Variants in CACNA1S observed in about 807,000 individuals in gnomAD.
CACNA1S encodes the protein voltage-dependent L-type calcium channel subunit alpha-1S.
A neutral mutation model predicts 207.4 loss-of-function variants in CACNA1S; 126 were observed. That is an observed-to-expected ratio of 0.61 (90% CI 0.53 to 0.70). The LOEUF is 0.70. CACNA1S is among the 30% of genes least tolerant of loss of function. CACNA1S has a pLI of 0.00. For synonymous variants in CACNA1S, 960 were observed against 932.7 expected (o/e 1.03, Z -0.53); for missense variants, 2,349 against 2,422.8 (o/e 0.97, Z 0.64).
intron 38 of CACNA1S, among the ~76,000 whole-genome samples, chr1:201,046,467 C>T (rs1660472221): frequency 6.6e-6 from 1 of 150,994 alleles, no homozygotes; most frequent in Admixed American, 6.7e-5. Flanking sequence ...AGGTGTGAGC[C>T]ACCGCACCTG....
At position 201,062,068 on chromosome 1, in the gene CACNA1S, C is replaced by G; in HGVS notation, c.2929G>C (p.Asp977His). 1 of 1,614,042 alleles carries G rather than the reference C, an allele frequency of 6.2e-7. No individual in the cohort carries two copies. Among genetic ancestry groups the G allele is most frequent in the South Asian group, 1.1e-5 (1 of 91,032 alleles). Residue 977 changes from aspartate to histidine, a missense_variant, in exon 24 of 44, where the codon GAC (aspartate) becomes CAC (histidine). Physicochemically the swap from Asp to His is moderately conservative, Grantham distance 81. Coordinates refer to ENST00000362061, the MANE Select transcript of CACNA1S (RefSeq NM_000069.3). ...AGCTCTATCTGCATGGGGTCCCCGT[C>G]CTTGTACACGTAGTAGTAGCCCCTG... ...ECRGYYYVYK[D>H]GDPMQIELRH...
At chr1:201,088,976 C>A (rs1479045489) in intron 6 of CACNA1S, among the ~76,000 whole-genome samples, 1 of 152,236 alleles carries the variant, frequency 6.6e-6, no homozygotes, top group Admixed American at 6.5e-5. Flanking sequence ...TTGAGTCACT[C>A]ACAGCCAGGT....
chr1:201,110,620 G>A (rs1372619823), intron 1 of CACNA1S, among the ~76,000 whole-genome samples: 1 of 152,242 alleles, frequency 6.6e-6, no homozygotes, highest in Admixed American at 6.5e-5. Context: ...TGCTCCCAAG[G>A]AGCCATGACT....
At chr1:201,049,345 T>C (rs1388825630) in intron 34 of CACNA1S, among the ~76,000 whole-genome samples, 1 of 152,220 alleles carries the variant, frequency 6.6e-6, no homozygotes, top group Non-Finnish European at 1.5e-5. Context: ...CCCTCAGATA[T>C]GGGATAACCA....
At chr1:201,065,662 C>T (rs989047691) in intron 22 of CACNA1S, among the ~76,000 whole-genome samples, 176 bp downstream of exon 22, 3 of 152,224 alleles carry the variant, frequency 2.0e-5, no homozygotes, top group Non-Finnish European at 4.4e-5. Flanking sequence ...TACTGGCTTT[C>T]TGCAAACTTA....
Position 201,040,072 on chromosome 1 carries a change from C to T in CACNA1S, c.5381G>A (p.Arg1794Gln), listed in dbSNP as rs139945826. The change falls in exon 44 of 44, where the codon CGA becomes CAA. Residue 1794 changes from arginine (R) to glutamine (Q), a missense_variant. Transcript: ENST00000362061. ...AGCTGCCAAGGTGCCCAGGCCCCCT[C>T]GAACCAGAGCCTGCAGGGAGGAGAG... ...TALLIQKALV[R>Q]GGLGTLAADA... 13 of 1,614,194 alleles carry T rather than the reference C, an allele frequency of 8.1e-6. No homozygotes were observed. In the African/African-American group the frequency reaches 1.2e-4, roughly 15 times the overall value.
intron 22 of CACNA1S, among the ~76,000 whole-genome samples, chr1:201,064,628 G>A (rs1661181064): frequency 6.6e-6 from 1 of 152,206 alleles, no homozygotes; most frequent in Non-Finnish European, 1.5e-5. Context: ...ATCGTGCTTT[G>A]GTGATAGGAG....
intron 6 of CACNA1S, among the ~76,000 whole-genome samples, chr1:201,088,534 C>T (rs189397755): frequency 2.6e-5 from 4 of 152,168 alleles, no homozygotes; most frequent in African/African-American, 9.7e-5. Flanking sequence ...CCACAATAGG[C>T]GGCGTCATAT....
chr1:201,077,088 G>A lies in CACNA1S; in HGVS notation c.1659C>T (p.Leu553=), dbSNP rs572571549. ...TSLSNLVASL[L]NSIRSIASLL... Reference sequence around the variant, plus strand: ...GGGAGGCGATGGAGCGGATGGAGTTGAGCAGGGATGCCACCAGGTTGCTCA... The same window carrying A: ...GGGAGGCGATGGAGCGGATGGAGTTAAGCAGGGATGCCACCAGGTTGCTCA... The change falls in exon 12 of 44, where the codon CTC becomes CTT. Residue 553 remains leucine (L), a synonymous_variant. Transcript: ENST00000362061. 1.2e-6 allele frequency: 2 copies of A among 1,614,192 alleles called. No homozygotes were observed. Among genetic ancestry groups the A allele is most frequent in the South Asian group, 2.2e-5 (2 of 91,084 alleles).
chr1:201,093,339 T>C (rs1193183124), intron 3 of CACNA1S, among the ~76,000 whole-genome samples: 2 of 152,232 alleles, frequency 1.3e-5, no homozygotes, highest in African/African-American at 4.8e-5. Flanking sequence ...GAGGAGAGAC[T>C]GTGTGAACCC....
At chr1:201,067,966 G>A (rs1661307110) in intron 19 of CACNA1S, among the ~76,000 whole-genome samples, 1 of 152,188 alleles carries the variant, frequency 6.6e-6, no homozygotes, top group African/African-American at 2.4e-5. Flanking sequence ...GGGGGCTACT[G>A]GGTTTCAGTT....
intron 34 of CACNA1S, 113 bp downstream of exon 34, chr1:201,050,276 A>T: frequency 8.9e-7 from 1 of 1,126,718 alleles, no homozygotes. Flanking sequence ...AGATAAATGA[A>T]GGGGGAAGGA....
chr1:201,083,809 A>G (rs1335655637), intron 9 of CACNA1S, among the ~76,000 whole-genome samples: 4 of 152,212 alleles, frequency 2.6e-5, no homozygotes, highest in African/African-American at 9.6e-5. Context: ...TTATTTAGAC[A>G]GGTCTTGCTA....
In CACNA1S at chr1:201,107,794, T is replaced by G. The variant is rs181367038; in HGVS notation, c.258+2370A>C. ...GAGGACCCCTGAGCTCGAAGGTGGC[T>G]GAGCGACCTTGGGTATCACCGACTT... On this transcript the variant is annotated intron_variant, in intron 2 of 43. Transcript: ENST00000362061. 1.7e-3 allele frequency among the ~76,000 whole-genome samples: 253 copies of G among 152,334 alleles called. 1 individual carries two copies. Among genetic ancestry groups the G allele is most frequent in the Non-Finnish European group, 2.4e-3 (165 of 68,028 alleles).
chr1:201,089,489 TCAGACAA>T lies in CACNA1S; in HGVS notation c.695-33_695-27del. On this transcript the variant is annotated intron_variant, in intron 5 of 43. Transcript: ENST00000362061. ...CTGGAGGCAGAAGGCAAAGGGAACA[TCAGACAA>T]CAGTAGTAGGTGGACAACGACAGGA... 1.2e-6 allele frequency: 2 copies of T among 1,610,022 alleles called. 1 individual carries two copies. The highest frequency in any genetic ancestry group is 2.2e-5 in the South Asian group (2 of 90,860).
intron 17 of CACNA1S, among the ~76,000 whole-genome samples, 165 bp from the exon 18 acceptor site, chr1:201,069,766 G>A (rs1010614036): frequency 6.6e-6 from 1 of 152,104 alleles, no homozygotes; most frequent in Admixed American, 6.5e-5. Flanking sequence ...GGACACACAG[G>A]GGGCCCTGAC....
At chr1:201,058,811 C>T (rs570795827) in intron 27 of CACNA1S, among the ~76,000 whole-genome samples, 1 of 152,294 alleles carries the variant, frequency 6.6e-6, no homozygotes, top group East Asian at 1.9e-4. Context: ...ACTGAACATC[C>T]TATCTGGGGC....
intron 6 of CACNA1S, 92 bp downstream of exon 6, chr1:201,089,166 C>T (rs954009394): frequency 1.5e-5 from 18 of 1,209,196 alleles, no homozygotes; most frequent in Non-Finnish European, 2.2e-5. Context: ...AGAGACTGGC[C>T]TCCTGTGTGG....
chr1:201,043,230 C>T (rs201770419), intron 40 of CACNA1S, 51 bp downstream of exon 40: 6 of 1,612,942 alleles, frequency 3.7e-6, no homozygotes, highest in African/African-American at 1.3e-5. Flanking sequence ...AACCTGCTGA[C>T]ATTGTCCTCC....
Sources: gnomAD v4.1 joint callset for allele counts (sites outside exome capture counted in the v4.1 genomes callset) on GRCh38, gnomAD v4.1.1 for gene constraint, MANE v1.5 for transcripts, NCBI Gene and HGNC (gene_info 2026-07-23, HGNC 2026-07-21) for gene names.